The following LRRC4C variants were observed in gnomAD, a reference collection of about 807,000 sequenced individuals.
The protein encoded by LRRC4C is leucine-rich repeat-containing protein 4C.
Under a neutral mutation model 33.6 loss-of-function variants are expected in LRRC4C, and 5 were observed. That is an observed-to-expected ratio of 0.15 (90% CI 0.08 to 0.31). The LOEUF (loss-of-function observed/expected upper bound fraction) is 0.31, where lower values mean the gene tolerates loss of function less well. Among genes scored for constraint, LRRC4C ranks in the 10% least tolerant of loss-of-function variants. The pLI is 1.00. For synonymous variants in LRRC4C, 329 were observed against 302.0 expected, an observed-to-expected ratio of 1.09 and a Z score of -0.93; for missense variants, 560 against 796.7, an observed-to-expected ratio of 0.70 and a Z score of 3.58.
At chr11:40,357,768 C>T (rs1236734124) in intron 3 of LRRC4C, among the ~76,000 whole-genome samples, 1 of 152,108 alleles carries the variant, frequency 6.6e-6, no homozygotes, top group Non-Finnish European at 1.5e-5. Flanking sequence ...ACAAAGCCTA[C>T]AACGTATCCC....
chr11:41,367,213 A>G (rs550521511), intron 1 of LRRC4C, among the ~76,000 whole-genome samples: 1 of 152,136 alleles, frequency 6.6e-6, no homozygotes, highest in African/African-American at 2.4e-5. Flanking sequence ...TTGATAATAA[A>G]ATGAATCATG....
At chr11:40,776,305 G>T (rs923518012) in intron 2 of LRRC4C, among the ~76,000 whole-genome samples, 2 of 150,928 alleles carry the variant, frequency 1.3e-5, no homozygotes, top group African/African-American at 4.9e-5. Context: ...CAGTAGAATT[G>T]GTACCAGCTC....
At chr11:40,839,902 T>C (rs1258365237) in intron 2 of LRRC4C, among the ~76,000 whole-genome samples, 1 of 152,052 alleles carries the variant, frequency 6.6e-6, no homozygotes, top group East Asian at 1.9e-4. Flanking sequence ...TCTAGAAAAA[T>C]AAAGACTGAC....
intron 1 of LRRC4C, among the ~76,000 whole-genome samples, chr11:40,990,231 T>TTA (rs761772952): frequency 0.11 from 8,883 of 77,750 alleles, 428 homozygotes; most frequent in East Asian, 0.19. Context: ...ATGTCAAGTT[T>TTA]TATATATATA....
chr11:40,214,927 A>G, intron 5 of LRRC4C, among the ~76,000 whole-genome samples: 1 of 152,164 alleles, frequency 6.6e-6, no homozygotes, highest in African/African-American at 2.4e-5. Context: ...TAGTGAGCTC[A>G]CATTTTACAT....
At chr11:40,661,578 T>C (rs1351063760) in intron 2 of LRRC4C, among the ~76,000 whole-genome samples, 1 of 152,230 alleles carries the variant, frequency 6.6e-6, no homozygotes, top group African/African-American at 2.4e-5. Flanking sequence ...AGTTACTCTC[T>C]GAGCTTGTTT....
At chr11:41,177,969 C>A (rs577321835) in intron 1 of LRRC4C, among the ~76,000 whole-genome samples, 2 of 152,252 alleles carry the variant, frequency 1.3e-5, no homozygotes, top group Non-Finnish European at 2.9e-5. Context: ...TACCTCAACT[C>A]GGAAAAAAGC....
chr11:41,335,474 C>T lies in LRRC4C; in HGVS notation c.-496+123957G>A, dbSNP rs184767975. Among the ~76,000 whole-genome samples the T allele has an allele frequency of 2.0e-5, 3 of 152,220 alleles. No individual in the cohort carries two copies. In the East Asian group the frequency reaches 5.8e-4, roughly 29 times the overall value. On this transcript the variant is annotated intron_variant, in intron 1 of 6. Transcript: ENST00000528697. ...CCATCTTTATTCTCTGCTTACTGAG[C>T]TTTAATTTTTTTGTAACATTAACCA... is the stretch of plus-strand genomic sequence containing the variant.
intron 1 of LRRC4C, among the ~76,000 whole-genome samples, chr11:41,380,512 G>C (rs894480155): frequency 6.6e-6 from 1 of 151,860 alleles, no homozygotes; most frequent in African/African-American, 2.4e-5. Flanking sequence ...AATAAACTGG[G>C]GAAGTTTGTA....
chr11:40,429,950 C>G (rs904852691), intron 3 of LRRC4C, among the ~76,000 whole-genome samples: 2 of 152,070 alleles, frequency 1.3e-5, no homozygotes, highest in African/African-American at 4.8e-5. Context: ...ACATTATTCT[C>G]ATTAGTTTCA....
At chr11:40,249,616 G>GTATA (rs1866618435) in intron 4 of LRRC4C, among the ~76,000 whole-genome samples, 2 of 150,606 alleles carry the variant, frequency 1.3e-5, no homozygotes, top group Non-Finnish European at 3.0e-5. Flanking sequence ...ATATGTATGC[G>GTATA]TATACACATG....
In LRRC4C at chr11:40,756,349, G is replaced by A. The variant is rs141564037; in HGVS notation, c.-406-108071C>T. ...CTTAAAGTATTCTTTTACATAATCC[G>A]TCGCTTTGCTAATTAAAAATGATTC... is the stretch of plus-strand genomic sequence containing the variant. On this transcript the variant is annotated intron_variant, in intron 2 of 6. Coordinates refer to ENST00000528697, the MANE Select transcript of LRRC4C (RefSeq NM_001258419.2). 9.9e-5 allele frequency among the ~76,000 whole-genome samples: 15 copies of A among 152,082 alleles called. No individual in the cohort carries two copies. In the East Asian group the frequency reaches 2.3e-3, roughly 24 times the overall value.
chr11:40,252,407 C>A (rs887722795), intron 4 of LRRC4C, among the ~76,000 whole-genome samples: 9 of 151,884 alleles, frequency 5.9e-5, no homozygotes, highest in South Asian at 2.1e-4. Context: ...GAGTACCCCA[C>A]GAAACAGAGA....
chr11:41,329,455 A>C (rs764919818), intron 1 of LRRC4C, among the ~76,000 whole-genome samples: 3 of 152,228 alleles, frequency 2.0e-5, no homozygotes, highest in Non-Finnish European at 2.9e-5. Flanking sequence ...GATTTGATTA[A>C]TGTCACCAGT....
At chr11:40,552,233 A>G (rs1160411509) in intron 3 of LRRC4C, among the ~76,000 whole-genome samples, 1 of 152,212 alleles carries the variant, frequency 6.6e-6, no homozygotes, top group Non-Finnish European at 1.5e-5. Flanking sequence ...ACAGGGCTCA[A>G]ACATACATTT....
intron 1 of LRRC4C, among the ~76,000 whole-genome samples, chr11:41,091,064 A>G (rs1940381282): frequency 6.6e-6 from 1 of 152,126 alleles, no homozygotes; most frequent in South Asian, 2.1e-4. Flanking sequence ...TGTGTTGCCA[A>G]AACTGAGATG....
intron 1 of LRRC4C, among the ~76,000 whole-genome samples, chr11:41,169,967 T>C (rs1021460047): frequency 6.6e-6 from 1 of 152,164 alleles, no homozygotes; most frequent in African/African-American, 2.4e-5. Context: ...TATGAGATGA[T>C]TCTTTTTCAT....
At chr11:41,133,236 C>T (rs1943096366) in intron 1 of LRRC4C, among the ~76,000 whole-genome samples, 2 of 152,050 alleles carry the variant, frequency 1.3e-5, no homozygotes, top group Non-Finnish European at 2.9e-5. Context: ...GGCTAATATA[C>T]CCTCTGGGCG....
At chr11:40,902,488 C>A (rs1287032631) in intron 2 of LRRC4C, among the ~76,000 whole-genome samples, 1 of 152,022 alleles carries the variant, frequency 6.6e-6, no homozygotes, top group Non-Finnish European at 1.5e-5. Context: ...GGAAGAGTCA[C>A]CCTACATTCA....
Sources: gnomAD v4.1 joint callset for allele counts (sites outside exome capture counted in the v4.1 genomes callset) on GRCh38, gnomAD v4.1.1 for gene constraint, MANE v1.5 for transcripts, NCBI Gene and HGNC (gene_info 2026-07-23, HGNC 2026-07-21) for gene names.